Variants in DPP6 observed in about 807,000 individuals in gnomAD.
The protein encoded by DPP6 is dipeptidyl peptidase like 6, also known as A-type potassium channel modulatory protein DPP6.
Under a neutral mutation model 122.6 loss-of-function variants are expected in DPP6, and 69 were observed. That is an observed-to-expected ratio of 0.56 (90% CI 0.46 to 0.69). The LOEUF (loss-of-function observed/expected upper bound fraction) is 0.69. Ranked by LOEUF, DPP6 falls within the 30% of genes least tolerant of loss-of-function variation. The pLI, the probability that DPP6 is intolerant of heterozygous loss-of-function variation, is 0.00. For synonymous variants in DPP6, 418 were observed against 433.1 expected, an observed-to-expected ratio of 0.97 and a Z score of 0.43; for missense variants, 928 against 1,116.9, an observed-to-expected ratio of 0.83 and a Z score of 2.41.
intron 5 of DPP6, among the ~76,000 whole-genome samples, chr7:154,599,102 A>C (rs1833270491): frequency 6.6e-6 from 1 of 152,204 alleles, no homozygotes; most frequent in Non-Finnish European, 1.5e-5. Flanking sequence ...GCGTGGTGTG[A>C]GTTTTCTGCC....
Position 154,680,119 on chromosome 7 carries a change from G to A in DPP6, c.762+10678G>A, listed in dbSNP as rs112743593. On this transcript the variant is annotated intron_variant, in intron 7 of 25. Coordinates refer to ENST00000377770, the MANE Select transcript of DPP6 (RefSeq NM_130797.4). The stretch of plus-strand genomic sequence containing the variant: ...AAGAGGCTCTTCTCCTGGGATACAG[G>A]GATTTCAGAAAGGAAATGCGTAATC... 1.6e-3 allele frequency among the ~76,000 whole-genome samples: 240 copies of A among 152,096 alleles called. 3 individuals carry two copies. The highest frequency in any genetic ancestry group is 5.5e-3 in the African/African-American group (228 of 41,510).
At chr7:154,799,628 A>T (rs80075544) in intron 12 of DPP6, among the ~76,000 whole-genome samples, 5,039 of 152,348 alleles carry the variant, frequency 0.033, 167 homozygotes, top group African/African-American at 0.078. Flanking sequence ...AACCATGGGA[A>T]AAAAACACTG....
At chr7:154,392,330 G>A (rs1430934665) in intron 1 of DPP6, among the ~76,000 whole-genome samples, 1 of 152,186 alleles carries the variant, frequency 6.6e-6, no homozygotes, top group African/African-American at 2.4e-5. Flanking sequence ...AGAAATGGGT[G>A]GGTGTAAGTG....
chr7:154,485,750 TCA>T (rs1823729234), intron 3 of DPP6, among the ~76,000 whole-genome samples: 1 of 152,216 alleles, frequency 6.6e-6, no homozygotes, highest in African/African-American at 2.4e-5. Context: ...ATGAAATATC[TCA>T]GTTACTTCAG....
chr7:153,909,402 T>G (rs946847224), intron 1 of DPP6, among the ~76,000 whole-genome samples: 1 of 142,478 alleles, frequency 7.0e-6, no homozygotes, highest in East Asian at 2.2e-4. Context: ...TTGTTTTTAT[T>G]GAGGACAAAC....
intron 1 of DPP6, among the ~76,000 whole-genome samples, chr7:154,337,318 C>T (rs555733882): frequency 1.3e-5 from 2 of 152,338 alleles, no homozygotes; most frequent in African/African-American, 4.8e-5. Context: ...TCTCAGTCTC[C>T]TCCTAAATTA....
chr7:154,623,647 A>G lies in DPP6; in HGVS notation c.628-14174A>G, dbSNP rs921517120. Among the ~76,000 whole-genome samples, 27 of 131,220 alleles carry G rather than the reference A, an allele frequency of 2.1e-4. 1 individual carries two copies. The highest frequency in any genetic ancestry group is 3.7e-4 in the Non-Finnish European group (24 of 65,098). 86.1% of individuals were successfully genotyped at this position (131,220 alleles called of 152,430 possible). On this transcript the variant is annotated intron_variant, in intron 5 of 25. Coordinates refer to ENST00000377770, the MANE Select transcript of DPP6 (RefSeq NM_130797.4). Reference sequence around the variant, plus strand: ...CGCACACATGCGTGCACACACGCGCACACACGCGCACACACACGCACACAC... The same window carrying G: ...CGCACACATGCGTGCACACACGCGCGCACACGCGCACACACACGCACACAC...
chr7:154,062,748 C>G (rs1342935777), intron 1 of DPP6, among the ~76,000 whole-genome samples: 1 of 70,100 alleles, frequency 1.4e-5, no homozygotes, highest in Non-Finnish European at 2.6e-5. Flanking sequence ...GCACCCTCCG[C>G]GAGGCAGGGA....
intron 3 of DPP6, among the ~76,000 whole-genome samples, chr7:154,532,304 A>G (rs1827898192): frequency 6.6e-6 from 1 of 152,172 alleles, no homozygotes; most frequent in Non-Finnish European, 1.5e-5. Context: ...TAATAATGTA[A>G]TTGAGCATAT....
chr7:153,886,086 C>T (rs1212467594), upstream of DPP6, among the ~76,000 whole-genome samples: 1 of 151,264 alleles, frequency 6.6e-6, no homozygotes, highest in East Asian at 2.0e-4. Context: ...CCGCCATGCC[C>T]TTCCCCTCAG....
intron 1 of DPP6, among the ~76,000 whole-genome samples, chr7:154,164,949 A>G (rs1479477640): frequency 2.6e-5 from 4 of 152,120 alleles, no homozygotes; most frequent in African/African-American, 9.7e-5. Flanking sequence ...TTTTATGTGG[A>G]TATAACTGTT....
intron 7 of DPP6, among the ~76,000 whole-genome samples, chr7:154,716,381 C>G (rs1841484858): frequency 6.6e-6 from 1 of 152,156 alleles, no homozygotes; most frequent in African/African-American, 2.4e-5. Context: ...ACAGCTCTTA[C>G]CACCTACTTG....
intron 1 of DPP6, among the ~76,000 whole-genome samples, chr7:154,439,234 G>A (rs544566281): frequency 3.3e-5 from 5 of 152,336 alleles, no homozygotes; most frequent in African/African-American, 1.2e-4. Flanking sequence ...AAAATCGCCT[G>A]TGGGTTTCAG....
At chr7:153,986,586 T>C (rs938072530) in intron 1 of DPP6, among the ~76,000 whole-genome samples, 1 of 152,208 alleles carries the variant, frequency 6.6e-6, no homozygotes, top group African/African-American at 2.4e-5. Flanking sequence ...ATGAAAATCC[T>C]GCTGGGATTG....
chr7:154,321,244 T>C (rs1037921149), intron 1 of DPP6, among the ~76,000 whole-genome samples: 2 of 151,208 alleles, frequency 1.3e-5, no homozygotes, highest in South Asian at 4.2e-4. Context: ...GCCACTGTGC[T>C]CTAGCCTAGG....
intron 6 of DPP6, among the ~76,000 whole-genome samples, chr7:154,646,042 A>AAAAAAAAAG (rs1252437695): frequency 1.3e-5 from 2 of 150,540 alleles, no homozygotes; most frequent in East Asian, 3.9e-4. Flanking sequence ...AAAAAAAAAA[A>AAAAAAAAAG]AAAGAAAATA....
chr7:153,878,425 T>C, the DPP6 span, among the ~76,000 whole-genome samples: 1 of 152,042 alleles, frequency 6.6e-6, no homozygotes, highest in African/African-American at 2.4e-5. Context: ...GGATTGATTA[T>C]GAAATGTTCA....
intron 1 of DPP6, among the ~76,000 whole-genome samples, chr7:154,277,485 TG>T (rs1162868488): frequency 3.3e-5 from 5 of 152,220 alleles, no homozygotes; most frequent in Admixed American, 1.3e-4. Context: ...GATGGAAGGC[TG>T]GGCATGGAGG....
chr7:154,393,071 T>A (rs1292312), intron 1 of DPP6, among the ~76,000 whole-genome samples: 10 of 152,124 alleles, frequency 6.6e-5, no homozygotes, highest in Admixed American at 3.9e-4. Flanking sequence ...AAACTTTTTC[T>A]TCTTCCAAAT....
Sources: gnomAD v4.1 joint callset for allele counts (sites outside exome capture counted in the v4.1 genomes callset) on GRCh38, gnomAD v4.1.1 for gene constraint, MANE v1.5 for transcripts, NCBI Gene and HGNC (gene_info 2026-07-23, HGNC 2026-07-21) for gene names.